Variants in DAB1 observed in about 807,000 individuals in gnomAD.
DAB1 encodes disabled homolog 1.
A neutral mutation model predicts 64.6 loss-of-function variants in DAB1; 15 were observed. That is an observed-to-expected ratio of 0.23 (90% CI 0.16 to 0.36). The LOEUF (loss-of-function observed/expected upper bound fraction) is 0.36, where lower values mean the gene tolerates loss of function less well. DAB1 is among the 10% of genes least tolerant of loss of function. The pLI is 1.00. For missense variants in DAB1, 596 were observed against 706.7 expected (o/e 0.84, Z 1.78); for synonymous variants, 235 against 251.9 (o/e 0.93, Z 0.64).
At chr1:58,000,832 A>G (rs530510201) in intron 5 of DAB1, among the ~76,000 whole-genome samples, 1 of 151,852 alleles carries the variant, frequency 6.6e-6, no homozygotes, top group South Asian at 2.1e-4. Flanking sequence ...TGGCCTCCCA[A>G]AGTGCTGGGA....
intron 2 of DAB1, among the ~76,000 whole-genome samples, chr1:57,262,007 C>T (rs573747632): frequency 7.9e-5 from 12 of 152,074 alleles, no homozygotes; most frequent in Admixed American, 4.6e-4. Context: ...AGGAGTTTAC[C>T]GGTTGGAGGA....
chr1:58,159,337 G>C (rs1557676158), intron 4 of DAB1, among the ~76,000 whole-genome samples: 1 of 152,164 alleles, frequency 6.6e-6, no homozygotes, highest in Non-Finnish European at 1.5e-5. Context: ...ATCCCATCGA[G>C]TTTATCCATT....
intron 7 of DAB1, among the ~76,000 whole-genome samples, chr1:57,493,725 A>T (rs1038914234): frequency 4.6e-5 from 7 of 151,140 alleles, no homozygotes; most frequent in Non-Finnish European, 8.8e-5. Context: ...AAGATGAAGA[A>T]AGAAGAAAAA....
At chr1:58,210,493 A>G (rs887286685) in intron 4 of DAB1, among the ~76,000 whole-genome samples, 8 of 152,196 alleles carry the variant, frequency 5.3e-5, no homozygotes, top group Non-Finnish European at 1.0e-4. Context: ...AAGGAAAAAA[A>G]TAATAGCAGA....
rs566293867 is a variant in DAB1 at position 57,963,676 on chromosome 1, C to T, written n.388-79514G>A. ...TGAAAATTCTAGACACCCTGCGTCA[C>T]GCCCATGCTGCTGCCCACTTCCCCT... On this transcript the variant is annotated intron_variant and non_coding_transcript_variant, in intron 5 of 20. Transcript: ENST00000485760. 6.2e-4 allele frequency among the ~76,000 whole-genome samples: 94 copies of T among 152,308 alleles called. 1 individual carries two copies. The highest frequency in any genetic ancestry group is 1.1e-3 in the Non-Finnish European group (78 of 68,026).
chr1:58,532,122 T>C (rs183643699), intron 1 of DAB1, among the ~76,000 whole-genome samples: 2 of 152,294 alleles, frequency 1.3e-5, no homozygotes, highest in East Asian at 3.9e-4. Flanking sequence ...CTTAGAAAAC[T>C]GGAAATACAC....
At chr1:58,221,993 A>C (rs1659194302) in intron 4 of DAB1, among the ~76,000 whole-genome samples, 2 of 152,228 alleles carry the variant, frequency 1.3e-5, no homozygotes, top group African/African-American at 2.4e-5. Flanking sequence ...GAATGATAGA[A>C]ATGAAGAAGC....
At chr1:57,321,763 A>G (rs1300270480) in intron 1 of DAB1, among the ~76,000 whole-genome samples, 1 of 152,228 alleles carries the variant, frequency 6.6e-6, no homozygotes, top group African/African-American at 2.4e-5. Context: ...ATGAATATTG[A>G]CATGCCTAGC....
intron 2 of DAB1, among the ~76,000 whole-genome samples, chr1:57,277,499 C>G (rs1392949269): frequency 6.6e-6 from 1 of 152,134 alleles, no homozygotes; most frequent in Non-Finnish European, 1.5e-5. Flanking sequence ...CCTCAAGAAG[C>G]AAGGGCTAAA....
At chr1:57,766,452 C>T (rs1200104622) in intron 6 of DAB1, among the ~76,000 whole-genome samples, 1 of 152,122 alleles carries the variant, frequency 6.6e-6, no homozygotes, top group Non-Finnish European at 1.5e-5. Context: ...CTCCTCCAGA[C>T]TCACTGGTCC....
chr1:57,921,410 G>A (rs777479965), intron 5 of DAB1, among the ~76,000 whole-genome samples: 4 of 151,924 alleles, frequency 2.6e-5, no homozygotes, highest in Non-Finnish European at 5.9e-5. Context: ...TCCTTTTATA[G>A]CCACAGAAAT....
At chr1:57,876,654 A>G (rs1644052042) in intron 1 of DAB1, 2 of 152,064 alleles carry the variant, frequency 1.3e-5, no homozygotes, top group Non-Finnish European at 2.9e-5. Flanking sequence ...GTACCCTATA[A>G]TCCCTTTGCC....
rs182526834 is a variant in DAB1 at position 57,242,222 on chromosome 1, C to G, written c.67+48742G>C. On this transcript the variant is annotated intron_variant, in intron 2 of 14. Transcript: ENST00000371236. Reference sequence around the variant, plus strand: ...AGAATAATCTTCAACTTACCCTGAACTTTTTCTAAGAGTTGAAAACATCTT... The same window carrying G: ...AGAATAATCTTCAACTTACCCTGAAGTTTTTCTAAGAGTTGAAAACATCTT... Among the ~76,000 whole-genome samples the G allele has an allele frequency of 2.0e-4, 30 of 152,292 alleles. No homozygotes were observed. The East Asian group carries it at 5.4e-3, about 27-fold the overall frequency.
Position 57,489,616 on chromosome 1 carries a change from G to A in DAB1, n.625+159976C>T, listed in dbSNP as rs549361653. Among the ~76,000 whole-genome samples, 5 of 152,274 alleles carry A rather than the reference G, an allele frequency of 3.3e-5. 1 individual carries two copies. In the South Asian group the frequency reaches 1.0e-3, roughly 32 times the overall value. On this transcript the variant is annotated intron_variant and non_coding_transcript_variant, in intron 7 of 20. Coordinates refer to the DAB1 transcript ENST00000485760. ...TTCCAGCCCTTATGTCTAACTGATT[G>A]TTATATCCCCACAGTGTCTAACCCA...
At chr1:58,424,505 G>A (rs1235307712) in intron 3 of DAB1, among the ~76,000 whole-genome samples, 1 of 152,176 alleles carries the variant, frequency 6.6e-6, no homozygotes, top group Non-Finnish European at 1.5e-5. Context: ...CTCCCACATA[G>A]TGCAATCCTC....
chr1:57,206,211 G>C (rs1372330094), intron 2 of DAB1, among the ~76,000 whole-genome samples: 2 of 152,188 alleles, frequency 1.3e-5, no homozygotes, highest in Non-Finnish European at 2.9e-5. Context: ...CTTTGGAGGA[G>C]AAGAGGAGGG....
intron 5 of DAB1, among the ~76,000 whole-genome samples, chr1:57,901,449 A>G (rs1413510415): frequency 6.6e-6 from 1 of 152,030 alleles, no homozygotes; most frequent in African/African-American, 2.4e-5. Context: ...ATGTTCTTTG[A>G]AATTTACTCT....
At chr1:58,461,610 A>T (rs1047843365) in intron 3 of DAB1, among the ~76,000 whole-genome samples, 2 of 152,328 alleles carry the variant, frequency 1.3e-5, no homozygotes, top group South Asian at 2.1e-4. Flanking sequence ...CCTACTAAGC[A>T]GCTAAAAAAG....
At chr1:57,547,049 G>T (rs1248341864) in intron 7 of DAB1, among the ~76,000 whole-genome samples, 2 of 152,038 alleles carry the variant, frequency 1.3e-5, no homozygotes, top group Non-Finnish European at 2.9e-5. Flanking sequence ...TCAGGATTTG[G>T]AGTACAAAGC....
Sources: gnomAD v4.1 joint callset for allele counts (sites outside exome capture counted in the v4.1 genomes callset) on GRCh38, gnomAD v4.1.1 for gene constraint, MANE v1.5 for transcripts, NCBI Gene and HGNC (gene_info 2026-07-23, HGNC 2026-07-21) for gene names.